TOGARAM1: variants seen among roughly 807,000 people sequenced by gnomAD.
TOGARAM1 encodes the protein TOG array regulator of axonemal microtubules 1.
A neutral mutation model predicts 166.6 loss-of-function variants in TOGARAM1; 100 were observed. The ratio of observed to expected loss-of-function variants is 0.60; its 90% CI spans 0.51 to 0.71. The LOEUF (loss-of-function observed/expected upper bound fraction) is 0.71. Among genes scored for constraint, TOGARAM1 ranks in the 30% least tolerant of loss-of-function variants. The probability of loss-of-function intolerance (pLI) is 0.00; values close to 1 mark genes in which losing one functional copy is unlikely to be tolerated. For synonymous variants in TOGARAM1, 758 were observed against 763.8 expected, an observed-to-expected ratio of 0.99 and a Z score of 0.13; for missense variants, 2,029 against 2,102.7, an observed-to-expected ratio of 0.96 and a Z score of 0.69.
At chr14:45,049,205 G>C (rs1304454904) in intron 14 of TOGARAM1, among the ~76,000 whole-genome samples, 1 of 151,012 alleles carries the variant, frequency 6.6e-6, no homozygotes, top group African/African-American at 2.4e-5. Context: ...ATAACATGTT[G>C]AGCTCCCCTT....
Position 44,983,201 on chromosome 14 carries a change from T to C in TOGARAM1, c.2047-12545T>C, listed in dbSNP as rs1886620468. ...CTGGAGAGGGAAAGGAAAGGAGATA[T>C]GTTCCTAACTAAAGATTAAATGGGT... On this transcript the variant is annotated intron_variant, in intron 1 of 19. Transcript: ENST00000361462. Among the ~76,000 whole-genome samples, 3 of 152,270 alleles carry C rather than the reference T, an allele frequency of 2.0e-5. No homozygotes were observed. In the South Asian group the frequency reaches 6.2e-4, roughly 32 times the overall value.
At chr14:44,977,130 T>C (rs564693751) in intron 1 of TOGARAM1, among the ~76,000 whole-genome samples, 17 of 152,168 alleles carry the variant, frequency 1.1e-4, no homozygotes, top group African/African-American at 4.1e-4. Context: ...CAAATGCATC[T>C]AACTCTTCAT....
chr14:45,039,305 G>A (rs778037860), intron 11 of TOGARAM1, among the ~76,000 whole-genome samples: 17 of 152,244 alleles, frequency 1.1e-4, no homozygotes, highest in South Asian at 2.1e-4. Context: ...TGATTGGTCC[G>A]TGGGCAGGCC....
At chr14:44,991,786 TAAC>T (rs1887148653) in intron 1 of TOGARAM1, among the ~76,000 whole-genome samples, 1 of 152,044 alleles carries the variant, frequency 6.6e-6, no homozygotes, top group East Asian at 1.9e-4. Flanking sequence ...AAAGACCTGT[TAAC>T]AGGATTTATC....
rs776380053 is a variant in TOGARAM1, at chr14:45,066,562, C to G, written c.4560-16C>G. ...AAAGTACAAATGAAATTACCTTCACCTTTCTTTCACTTTAGAGCTGTAACT... is the reference window on the plus strand; with the variant it reads ...AAAGTACAAATGAAATTACCTTCACGTTTCTTTCACTTTAGAGCTGTAACT... On this transcript the variant is annotated splice_polypyrimidine_tract_variant and intron_variant, in intron 16 of 19. Transcript: ENST00000361462. 2 of 1,568,506 alleles carry G rather than the reference C, an allele frequency of 1.3e-6. No individual in the cohort carries two copies. The highest frequency in any genetic ancestry group is 3.7e-5 in the Admixed American group (2 of 54,586).
At chr14:45,001,795 T>C (rs1398192608) in intron 3 of TOGARAM1, among the ~76,000 whole-genome samples, 2 of 152,244 alleles carry the variant, frequency 1.3e-5, no homozygotes, top group Non-Finnish European at 2.9e-5. Flanking sequence ...GAATGTATTA[T>C]GTCTCTTATT....
Position 45,009,115 on chromosome 14 carries a change from T to C in TOGARAM1, c.3107T>C (p.Leu1036Pro). The part of the protein sequence containing the change: ...VYSQESLTSS[L>P]STTPQGKRIM... ...AGCCAAGAATCATTGACTTCTTCTCTGTCTACAACTCCCCAGGGGAAGAGA... is the reference window on the plus strand; with the variant it reads ...AGCCAAGAATCATTGACTTCTTCTCCGTCTACAACTCCCCAGGGGAAGAGA... The change falls in exon 6 of 20, where the codon CTG becomes CCG. Residue 1036 changes from leucine to proline, a missense_variant. Transcript: ENST00000361462. 1 of 1,613,744 alleles carries C rather than the reference T, an allele frequency of 6.2e-7. No homozygotes were observed. The highest frequency in any genetic ancestry group is 8.5e-7 in the Non-Finnish European group (1 of 1,179,656).
At chr14:45,004,772 A>G (rs1887866684) in intron 4 of TOGARAM1, among the ~76,000 whole-genome samples, 1 of 151,746 alleles carries the variant, frequency 6.6e-6, no homozygotes, top group Non-Finnish European at 1.5e-5. Context: ...AATGTTTTAT[A>G]ATGAACATGA....
At chr14:44,973,092 A>G (rs1414810237) in intron 1 of TOGARAM1, among the ~76,000 whole-genome samples, 1 of 152,064 alleles carries the variant, frequency 6.6e-6, no homozygotes, top group Non-Finnish European at 1.5e-5. Context: ...TTGGATTAAT[A>G]TCTACCATAA....
At chr14:45,052,692 T>C in intron 15 of TOGARAM1, 130 bp downstream of exon 15, 1 of 776,796 alleles carries the variant, frequency 1.3e-6, no homozygotes, top group Admixed American at 3.0e-5. Context: ...GGACTATATC[T>C]GCAATAGCAT....
At chr14:45,061,858 T>G (rs1264890865) in intron 16 of TOGARAM1, among the ~76,000 whole-genome samples, 3 of 151,828 alleles carry the variant, frequency 2.0e-5, no homozygotes, top group Non-Finnish European at 1.5e-5. Flanking sequence ...GGGATAATGC[T>G]GAATAATCCC....
At chr14:45,010,797 C>T (rs1879741832) in intron 6 of TOGARAM1, among the ~76,000 whole-genome samples, 5 of 152,132 alleles carry the variant, frequency 3.3e-5, no homozygotes, top group Admixed American at 3.3e-4. Context: ...AAGATTTTGT[C>T]CTTAGGTGGG....
At chr14:45,032,559 T>C (rs751132204) in intron 11 of TOGARAM1, among the ~76,000 whole-genome samples, 183 bp downstream of exon 11, 1 of 152,238 alleles carries the variant, frequency 6.6e-6, no homozygotes, top group African/African-American at 2.4e-5. Flanking sequence ...TAGTACTTTA[T>C]TACCAGTTGT....
chr14:44,966,560 A>C (rs887038695), intron 1 of TOGARAM1, among the ~76,000 whole-genome samples: 1 of 152,072 alleles, frequency 6.6e-6, no homozygotes, highest in African/African-American at 2.4e-5. Flanking sequence ...ACTACCTGCA[A>C]TTCTTTTTTT....
intron 1 of TOGARAM1, among the ~76,000 whole-genome samples, chr14:44,994,153 C>T (rs1887294975): frequency 6.6e-6 from 1 of 152,172 alleles, no homozygotes; most frequent in African/African-American, 2.4e-5. Flanking sequence ...GTTGCCCAGC[C>T]TGGAGTGCAG....
At chr14:45,058,597 A>G (rs1882758332) in intron 16 of TOGARAM1, among the ~76,000 whole-genome samples, 1 of 152,040 alleles carries the variant, frequency 6.6e-6, no homozygotes, top group Admixed American at 6.6e-5. Context: ...CCAGCCTAGA[A>G]TATCTTTTTC....
chr14:44,962,682 C>T lies in TOGARAM1; in HGVS notation c.261C>T (p.Gly87=). 6.2e-7 allele frequency: 1 copy of T among 1,614,168 alleles called. No homozygotes were observed. The highest frequency in any genetic ancestry group is 8.5e-7 in the Non-Finnish European group (1 of 1,180,038). ...AVSSSWSESG[G]GLSGGDEEDT... ...CAAGCAGCTGGTCTGAGTCTGGAGG[C>T]GGTTTGTCAGGGGGAGATGAAGAGG... is the stretch of plus-strand genomic sequence containing the variant. Residue 87 remains glycine, a synonymous_variant, in exon 1 of 20, where the codon GGC becomes GGT. Coordinates refer to ENST00000361462, the MANE Select transcript of TOGARAM1 (RefSeq NM_001308120.2).
rs1230450161 is a variant in TOGARAM1 at position 45,045,541 on chromosome 14, GTGTATATATATATATATATATATA to G, written c.4154+673_4154+696del. Among the ~76,000 whole-genome samples the G allele has an allele frequency of 2.4e-4, 12 of 50,368 alleles. 1 individual carries two copies. Among genetic ancestry groups the G allele is most frequent in the African/African-American group, 3.2e-4 (3 of 9,430 alleles). The allele number at this position is 50,368 out of a possible 152,430, so 33.0% of individuals were successfully genotyped here. A position where few individuals can be genotyped will look rare whatever the true frequency, so the allele number is the denominator to read the frequency against. ...CAGAGTAGTATTCCATGGTCTGTGT[GTGTATATATATATATATATATATA>G]TATATATATATATATATATGTGTGT... On this transcript the variant is annotated intron_variant, in intron 13 of 19. Transcript: ENST00000361462.
Position 45,011,807 on chromosome 14 carries a change from G to T in TOGARAM1, c.3138-168G>T, listed in dbSNP as rs1011625367. 5.7e-6 allele frequency: 3 copies of T among 522,706 alleles called. No homozygotes were observed. The South Asian group carries it at 1.0e-4, about 17-fold the overall frequency. 32.4% of individuals were successfully genotyped at this position (522,706 alleles called of 1,614,324 possible). On this transcript the variant is annotated intron_variant, in intron 6 of 19. Coordinates refer to ENST00000361462, the MANE Select transcript of TOGARAM1 (RefSeq NM_001308120.2). ...TATATGTGTGTGTGTGTGTGTGTGT[G>T]TGTGTATACACACACACTGTTAGCC...
Sources: gnomAD v4.1 joint callset for allele counts (sites outside exome capture counted in the v4.1 genomes callset) on GRCh38, gnomAD v4.1.1 for gene constraint, MANE v1.5 for transcripts, NCBI Gene and HGNC (gene_info 2026-07-23, HGNC 2026-07-21) for gene names.